EYS: variants seen among roughly 807,000 people sequenced by gnomAD.
EYS encodes protein eyes shut homolog.
EYS carries 250 observed loss-of-function variants against 282.1 expected under a neutral mutation model. That is an observed-to-expected ratio of 0.89 (90% CI 0.80 to 0.98). The LOEUF (loss-of-function observed/expected upper bound fraction) is 0.98. Among genes scored for constraint, EYS ranks in the 50% least tolerant of loss-of-function variants. The pLI is 0.00. For missense variants in EYS, 4,016 were observed against 3,709.0 expected (o/e 1.08, Z -2.15); for synonymous variants, 1,355 against 1,282.9 (o/e 1.06, Z -1.20).
At chr6:64,538,858 A>G (rs940268288) in intron 26 of EYS, among the ~76,000 whole-genome samples, 2 of 152,226 alleles carry the variant, frequency 1.3e-5, no homozygotes, top group East Asian at 3.9e-4. Context: ...AAACAGATCC[A>G]TTTGAACTCA....
At chr6:64,804,132 G>A (rs1160700192) in intron 22 of EYS, among the ~76,000 whole-genome samples, 1 of 152,262 alleles carries the variant, frequency 6.6e-6, no homozygotes, top group Non-Finnish European at 1.5e-5. Flanking sequence ...CTGGAGGTAT[G>A]TAATTTATTA....
At chr6:63,768,826 G>T (rs1270861969) in intron 40 of EYS, among the ~76,000 whole-genome samples, 1 of 152,052 alleles carries the variant, frequency 6.6e-6, no homozygotes, top group Non-Finnish European at 1.5e-5. Flanking sequence ...CAACCTAGAT[G>T]CCCATCAACA....
intron 12 of EYS, among the ~76,000 whole-genome samples, chr6:65,183,886 A>C (rs529432405): frequency 6.6e-6 from 1 of 151,960 alleles, no homozygotes; most frequent in South Asian, 2.1e-4. Context: ...TTGTTACCTC[A>C]TCCTCCTCCC....
At chr6:64,336,463 C>A (rs1582617556) in intron 29 of EYS, among the ~76,000 whole-genome samples, 1 of 151,866 alleles carries the variant, frequency 6.6e-6, no homozygotes, top group East Asian at 1.9e-4. Flanking sequence ...CTGGAGCTCC[C>A]AAATTTATAA....
chr6:65,340,793 C>G (rs1418568), intron 10 of EYS, among the ~76,000 whole-genome samples: 68,441 of 150,782 alleles, frequency 0.45, 15,595 homozygotes, highest in African/African-American at 0.5. Context: ...TTCTCCATCA[C>G]CAGAATAGTC....
chr6:65,568,667 A>G (rs1183021346), intron 2 of EYS, among the ~76,000 whole-genome samples: 1 of 152,182 alleles, frequency 6.6e-6, no homozygotes, highest in African/African-American at 2.4e-5. Context: ...ATGTCCTCCA[A>G]GCTGCTTTTG....
intron 12 of EYS, among the ~76,000 whole-genome samples, chr6:65,064,991 A>G (rs959676222): frequency 3.9e-5 from 6 of 152,112 alleles, no homozygotes; most frequent in African/African-American, 1.4e-4. Context: ...CACTGCAAAC[A>G]CAGACACTAG....
chr6:65,121,059 T>G (rs1417900984), intron 12 of EYS, among the ~76,000 whole-genome samples: 3 of 152,058 alleles, frequency 2.0e-5, no homozygotes, highest in Non-Finnish European at 4.4e-5. Flanking sequence ...TCCCTGAGCA[T>G]TTTGACTCTA....
chr6:65,279,863 T>G (rs1407930592), intron 12 of EYS, among the ~76,000 whole-genome samples: 1 of 152,166 alleles, frequency 6.6e-6, no homozygotes, highest in Admixed American at 6.5e-5. Context: ...CAACATGATT[T>G]CAATTCTATA....
chr6:64,985,732 C>A (rs1375206683), intron 14 of EYS, among the ~76,000 whole-genome samples: 1 of 151,392 alleles, frequency 6.6e-6, no homozygotes. Flanking sequence ...ATGTCCCATG[C>A]AATATTTGGA....
intron 34 of EYS, among the ~76,000 whole-genome samples, chr6:63,995,265 A>C (rs1244872125): frequency 6.6e-6 from 1 of 152,072 alleles, no homozygotes; most frequent in African/African-American, 2.4e-5. Flanking sequence ...ATTTTTCCAA[A>C]TAAGACATAC....
chr6:64,333,427 C>T (rs565890495), intron 29 of EYS, among the ~76,000 whole-genome samples: 4 of 152,102 alleles, frequency 2.6e-5, no homozygotes, highest in African/African-American at 7.2e-5. Context: ...CCACCAAGGC[C>T]GTAATAGAAG....
intron 22 of EYS, among the ~76,000 whole-genome samples, chr6:64,646,098 T>G (rs879358673): frequency 2.0e-5 from 3 of 152,172 alleles, no homozygotes; most frequent in African/African-American, 7.2e-5. Context: ...ACACTTCTTG[T>G]GTAACAGCTA....
intron 31 of EYS, among the ~76,000 whole-genome samples, chr6:64,210,644 TA>T (rs1419461803): frequency 2.0e-5 from 3 of 152,132 alleles, no homozygotes; most frequent in African/African-American, 4.8e-5. Context: ...ACTTTAAAAA[TA>T]ATGGCAATGA....
At chr6:64,194,790 A>G (rs1051012193) in intron 31 of EYS, among the ~76,000 whole-genome samples, 1 of 152,030 alleles carries the variant, frequency 6.6e-6, no homozygotes, top group African/African-American at 2.4e-5. Flanking sequence ...TCCTGAGGTA[A>G]TTTTTCTAAT....
At chr6:64,255,352 C>A (rs1221358044) in intron 30 of EYS, among the ~76,000 whole-genome samples, 1 of 152,100 alleles carries the variant, frequency 6.6e-6, no homozygotes, top group Non-Finnish European at 1.5e-5. Flanking sequence ...TCCACTTTGT[C>A]TATGAGCATC....
At position 64,788,321 on chromosome 6, in the gene EYS, C is replaced by T. The variant is rs564415017; in HGVS notation, c.3443+25057G>A. Among the ~76,000 whole-genome samples, 69 of 152,162 alleles carry T rather than the reference C, an allele frequency of 4.5e-4. No individual in the cohort carries two copies. In the South Asian group the frequency reaches 0.012, roughly 26 times the overall value. ...CTACCTACGGCCTGGAAATCAGAAG[C>T]TTGAGTGACTGTGATCTGGCAGCTG... On this transcript the variant is annotated intron_variant, in intron 22 of 42. Transcript: ENST00000503581.
intron 14 of EYS, among the ~76,000 whole-genome samples, chr6:64,949,039 C>CT (rs2150098237): frequency 1.3e-5 from 2 of 151,780 alleles, no homozygotes; most frequent in East Asian, 3.9e-4. Context: ...AACAGATGTA[C>CT]TAAAGTAAGA....
rs1562140604 is a variant in EYS, at chr6:65,384,377, ATTAC to A, written c.1299+5_1299+8del. On this transcript the variant is annotated splice_donor_5th_base_variant and intron_variant, in intron 8 of 42. Coordinates refer to ENST00000503581, the MANE Select transcript of EYS (RefSeq NM_001142800.2). ...GCTAACTTATGTTGCCATGTATTAA[ATTAC>A]TTACTTTGAATCTTCCAATTATATT... 8 of 1,507,140 alleles carry A rather than the reference ATTAC, an allele frequency of 5.3e-6. No individual in the cohort carries two copies. The highest frequency in any genetic ancestry group is 3.4e-5 in the Admixed American group (2 of 59,478). 93.4% of individuals were successfully genotyped at this position (1,507,140 alleles called of 1,614,324 possible). A position where few individuals can be genotyped will look rare whatever the true frequency, so the allele number is the denominator to read the frequency against.
Sources: allele counts gnomAD v4.1 joint callset (sites outside exome capture counted in the v4.1 genomes callset), GRCh38; gene constraint gnomAD v4.1.1; transcripts MANE v1.5; gene names NCBI Gene and HGNC (gene_info 2026-07-23, HGNC 2026-07-21).